The following KPNA5 variants were observed in gnomAD, a reference collection of about 807,000 sequenced individuals.
KPNA5 encodes the protein importin subunit alpha-6.
In KPNA5, 46 loss-of-function variants were observed where a neutral mutation model predicts 71.3. That is an observed-to-expected ratio of 0.65 (90% confidence interval 0.51 to 0.83). The LOEUF is 0.83. Among genes scored for constraint, KPNA5 ranks in the 40% least tolerant of loss-of-function variants. The pLI, the probability that KPNA5 is intolerant of heterozygous loss-of-function variation, is 0.00. For missense variants in KPNA5, 547 were observed against 628.3 expected (o/e 0.87, Z 1.38); for synonymous variants, 207 against 201.4 (o/e 1.03, Z -0.24).
chr6:116,739,198 T>C lies in KPNA5; in HGVS notation c.*6875T>C, dbSNP rs1779779223. 6.6e-6 allele frequency: 1 copy of C among 152,166 alleles called. No individual in the cohort carries two copies. The highest frequency in any genetic ancestry group is 2.4e-5 in the African/African-American group (1 of 41,432). 9.4% of individuals were successfully genotyped at this position (152,166 alleles called of 1,614,324 possible). The stretch of plus-strand genomic sequence containing the variant: ...TGTACAAAAATCACAAGAATTCTTA[T>C]ACACCAATAACAGACAAACAGCCAA... On this transcript the variant is annotated 3_prime_UTR_variant, in exon 14 of 14. Transcript: ENST00000368564.
intron 7 of KPNA5, among the ~76,000 whole-genome samples, chr6:116,710,401 A>C (rs1252142535): frequency 6.6e-6 from 1 of 152,054 alleles, no homozygotes; most frequent in Admixed American, 6.6e-5. Flanking sequence ...TTAAAAAAAA[A>C]ATTTTGCGGC....
At chr6:116,725,245 C>A (rs1779249158) in intron 10 of KPNA5, among the ~76,000 whole-genome samples, 1 of 152,070 alleles carries the variant, frequency 6.6e-6, no homozygotes, top group Non-Finnish European at 1.5e-5. Context: ...CATAATTAAT[C>A]TTGCAATGGA....
intron 10 of KPNA5, 53 bp downstream of exon 10, chr6:116,724,428 T>A (rs1447976464): frequency 3.2e-6 from 4 of 1,236,654 alleles, no homozygotes; most frequent in South Asian, 1.2e-5. Flanking sequence ...CTTTAAAAAA[T>A]TTATGTTTCA....
intron 5 of KPNA5, among the ~76,000 whole-genome samples, chr6:116,699,711 G>C (rs1778159754): frequency 6.6e-6 from 1 of 152,184 alleles, no homozygotes; most frequent in South Asian, 2.1e-4. Context: ...TAGAGATCAT[G>C]AAATCTGGTT....
chr6:116,721,282 T>G (rs933874183), intron 8 of KPNA5, among the ~76,000 whole-genome samples: 24 of 152,324 alleles, frequency 1.6e-4, no homozygotes, highest in African/African-American at 5.8e-4. Flanking sequence ...GTCATCACTT[T>G]TTATTTGTGA....
chr6:116,736,034 G>C lies in KPNA5; in HGVS notation c.*3711G>C, dbSNP rs969231583. 6.6e-6 allele frequency: 1 copy of C among 151,772 alleles called. No individual in the cohort carries two copies. Among genetic ancestry groups the C allele is most frequent in the Non-Finnish European group, 1.5e-5 (1 of 67,806 alleles). 9.4% of individuals were successfully genotyped at this position (151,772 alleles called of 1,614,324 possible). A position where few individuals can be genotyped will look rare whatever the true frequency, so the allele number is the denominator to read the frequency against. Reference sequence around the variant, plus strand: ...GCTATCACAAATCAAAAGTAAGTTGGGGTGGCCATATAATGCATATCAAGG... The same window carrying C: ...GCTATCACAAATCAAAAGTAAGTTGCGGTGGCCATATAATGCATATCAAGG... On this transcript the variant is annotated 3_prime_UTR_variant, in exon 14 of 14. Transcript: ENST00000368564.
At chr6:116,728,781 C>A (rs560046649) in intron 12 of KPNA5, among the ~76,000 whole-genome samples, 1 of 151,870 alleles carries the variant, frequency 6.6e-6, no homozygotes, top group Admixed American at 6.6e-5. Flanking sequence ...TGCTCAAGGT[C>A]ACACAACTAA....
chr6:116,682,003 A>G (rs1777377909), intron 1 of KPNA5, among the ~76,000 whole-genome samples: 1 of 152,124 alleles, frequency 6.6e-6, no homozygotes. Context: ...GCGGTGGCTC[A>G]CGCCTGTAAT....
intron 1 of KPNA5, 21 bp downstream of exon 1, chr6:116,681,359 G>A (rs1297683919): frequency 6.3e-7 from 1 of 1,584,992 alleles, no homozygotes. Flanking sequence ...GTGAACACGG[G>A]CTAGGTTGGG....
At chr6:116,690,602 C>T (rs1192991910) in intron 2 of KPNA5, among the ~76,000 whole-genome samples, 11 of 147,046 alleles carry the variant, frequency 7.5e-5, no homozygotes, top group Admixed American at 4.8e-4. Flanking sequence ...GAGTTGATGC[C>T]ACTGCACTCC....
chr6:116,720,175 G>A (rs1779049560), intron 8 of KPNA5, among the ~76,000 whole-genome samples: 1 of 152,166 alleles, frequency 6.6e-6, no homozygotes, highest in African/African-American at 2.4e-5. Flanking sequence ...TTCCCCTGCT[G>A]TCTGTGATAC....
intron 1 of KPNA5, among the ~76,000 whole-genome samples, chr6:116,685,655 T>C (rs1208488625): frequency 1.3e-5 from 2 of 152,232 alleles, no homozygotes; most frequent in African/African-American, 4.8e-5. Flanking sequence ...TCATGGTGTT[T>C]ATGTACCACA....
chr6:116,699,948 A>T (rs1241469001), intron 5 of KPNA5, among the ~76,000 whole-genome samples: 1 of 152,242 alleles, frequency 6.6e-6, no homozygotes, highest in East Asian at 1.9e-4. Flanking sequence ...AAAGACAGAC[A>T]TAAAAAAGAT....
Position 116,729,746 on chromosome 6 carries a change from G to T in KPNA5, c.1432+5G>T. ...CTCTCATTGAAGAAGCATATGGTAAGCAATCAGTTAAAAATTTGCAATTAT... is the reference window on the plus strand; with the variant it reads ...CTCTCATTGAAGAAGCATATGGTAATCAATCAGTTAAAAATTTGCAATTAT... On this transcript the variant is annotated splice_donor_5th_base_variant and intron_variant, in intron 13 of 13. Transcript: ENST00000368564. The T allele has an allele frequency of 6.8e-7, 1 of 1,478,488 alleles. No individual in the cohort carries two copies. The highest frequency in any genetic ancestry group is 1.5e-5 in the South Asian group (1 of 68,392). 91.6% of individuals were successfully genotyped at this position (1,478,488 alleles called of 1,614,324 possible). A position where few individuals can be genotyped will look rare whatever the true frequency, so the allele number is the denominator to read the frequency against.
chr6:116,731,022 A>G (rs1240065127), intron 13 of KPNA5, among the ~76,000 whole-genome samples: 4 of 151,956 alleles, frequency 2.6e-5, no homozygotes, highest in Non-Finnish European at 5.9e-5. Context: ...CTAATTTTCT[A>G]TTCTTTCAAA....
chr6:116,724,721 G>A (rs1016225448), intron 10 of KPNA5, among the ~76,000 whole-genome samples: 4 of 152,022 alleles, frequency 2.6e-5, no homozygotes, highest in Admixed American at 2.0e-4. Flanking sequence ...CAGTCCTCCC[G>A]CCTCAGCCTT....
chr6:116,686,415 A>C (rs1159741631), intron 1 of KPNA5, among the ~76,000 whole-genome samples: 1 of 151,752 alleles, frequency 6.6e-6, no homozygotes, highest in Non-Finnish European at 1.5e-5. Context: ...TTTTCTTGTA[A>C]ATTTGTTTAA....
chr6:116,691,155 G>C (rs888310346), intron 2 of KPNA5, among the ~76,000 whole-genome samples: 2 of 152,240 alleles, frequency 1.3e-5, no homozygotes, highest in Admixed American at 1.3e-4. Context: ...CTTGAACCCA[G>C]GAGGTGGAGG....
chr6:116,683,896 C>CTTTT lies in KPNA5; in HGVS notation c.4+2589_4+2592dup, dbSNP rs140446065. ...ACAGGCGTGAGCCACCGTGCCCGGC[C>CTTTT]TTTTTTTTTTTTTTTTTTTTTTTTT... On this transcript the variant is annotated intron_variant, in intron 1 of 13. Transcript: ENST00000368564. 1.4e-3 allele frequency among the ~76,000 whole-genome samples: 82 copies of CTTTT among 59,620 alleles called. 1 individual carries two copies. The highest frequency in any genetic ancestry group is 2.7e-3 in the East Asian group (4 of 1,490). 39.1% of individuals were successfully genotyped at this position (59,620 alleles called of 152,430 possible).
Sources: gnomAD v4.1 joint callset for allele counts (sites outside exome capture counted in the v4.1 genomes callset) on GRCh38, gnomAD v4.1.1 for gene constraint, MANE v1.5 for transcripts, NCBI Gene and HGNC (gene_info 2026-07-23, HGNC 2026-07-21) for gene names.